DOCK3: variants seen among roughly 807,000 people sequenced by gnomAD.
The protein encoded by DOCK3 is dedicator of cytokinesis 3, also known as dedicator of cytokinesis protein 3.
In DOCK3, 60 loss-of-function variants were observed where a neutral mutation model predicts 265.6. That is an observed-to-expected ratio of 0.23 (90% CI 0.18 to 0.28). DOCK3 has a LOEUF of 0.28. Among genes scored for constraint, DOCK3 ranks in the 10% least tolerant of loss-of-function variants. DOCK3 has a pLI of 1.00. For missense variants in DOCK3, 1,981 were observed against 2,594.3 expected (o/e 0.76, Z 5.14); for synonymous variants, 881 against 938.0 (o/e 0.94, Z 1.11).
chr3:51,296,905 G>A (rs1310963552), intron 27 of DOCK3, among the ~76,000 whole-genome samples: 1 of 151,810 alleles, frequency 6.6e-6, no homozygotes, highest in East Asian at 1.9e-4. Flanking sequence ...GATCACCTGA[G>A]GTCAGGAGTT....
intron 5 of DOCK3, among the ~76,000 whole-genome samples, chr3:50,937,271 C>T (rs968559755): frequency 1.0e-5 from 1 of 96,626 alleles, no homozygotes; most frequent in African/African-American, 3.4e-5. Context: ...GAGCAAAACT[C>T]CATCTAAAAA....
Position 51,341,368 on chromosome 3 carries a change from T to G in DOCK3, c.3898T>G (p.Tyr1300Asp). The G allele has an allele frequency of 6.2e-7, 1 of 1,613,852 alleles. No individual in the cohort carries two copies. The highest frequency in any genetic ancestry group is 8.5e-7 in the Non-Finnish European group (1 of 1,179,810). ...GGGACTGTGCCGGAAGATCATTCAC[T>G]ACTTCAACAAAGGCAAGGTATGCAT... is the stretch of plus-strand genomic sequence containing the variant. ...KEGLCRKIIHYFNKGKSWEFG... is the reference protein window; with the variant it reads ...KEGLCRKIIHDFNKGKSWEFG... The change falls in exon 38 of 53, where the codon TAC becomes GAC. Residue 1300 changes from tyrosine (Y) to aspartate (D), a missense_variant. Tyr to Asp is a radical substitution (Grantham distance 160, BLOSUM62 -3). Coordinates refer to ENST00000266037, the MANE Select transcript of DOCK3 (RefSeq NM_004947.5).
intron 21 of DOCK3, among the ~76,000 whole-genome samples, chr3:51,241,411 T>A (rs1280648777): frequency 6.6e-6 from 1 of 152,214 alleles, no homozygotes; most frequent in Non-Finnish European, 1.5e-5. Flanking sequence ...GAGATGATCT[T>A]CTTGTGAAGT....
intron 32 of DOCK3, among the ~76,000 whole-genome samples, chr3:51,327,653 C>T (rs2109904260): frequency 6.6e-6 from 1 of 151,358 alleles, no homozygotes; most frequent in Non-Finnish European, 1.5e-5. Context: ...TAAGTAATGT[C>T]CCCCATATCC....
intron 9 of DOCK3, among the ~76,000 whole-genome samples, chr3:51,100,111 T>C (rs774194168): frequency 6.6e-6 from 1 of 152,228 alleles, no homozygotes; most frequent in Non-Finnish European, 1.5e-5. Context: ...GGATTCTGGC[T>C]ATCTTCTAAA....
intron 22 of DOCK3, among the ~76,000 whole-genome samples, chr3:51,248,444 C>G (rs1352148001): frequency 6.6e-6 from 1 of 152,250 alleles, no homozygotes; most frequent in East Asian, 1.9e-4. Flanking sequence ...ATCCACCAGC[C>G]TCGGCCTCCT....
intron 12 of DOCK3, among the ~76,000 whole-genome samples, chr3:51,205,311 A>T (rs2089124536): frequency 6.6e-6 from 1 of 152,094 alleles, no homozygotes; most frequent in Non-Finnish European, 1.5e-5. Context: ...TAACACGAGG[A>T]TGCTGCTAAA....
At chr3:51,199,607 G>A (rs1175506700) in intron 12 of DOCK3, among the ~76,000 whole-genome samples, 1 of 152,224 alleles carries the variant, frequency 6.6e-6, no homozygotes, top group Non-Finnish European at 1.5e-5. Context: ...ACCTCTGGGG[G>A]CAGGGCACAG....
chr3:50,859,210 G>GTTT (rs138539454), intron 3 of DOCK3, among the ~76,000 whole-genome samples: 54 of 69,244 alleles, frequency 7.8e-4, no homozygotes, highest in Non-Finnish European at 1.0e-3. Context: ...AACTGGTATG[G>GTTT]TTTTTTTTTT....
chr3:50,877,533 G>T (rs2047767265), intron 3 of DOCK3: 2 of 520,072 alleles, frequency 3.8e-6, no homozygotes, highest in Non-Finnish European at 7.7e-6. Flanking sequence ...ATGTGATGAA[G>T]ATACTGACTG....
At chr3:51,042,309 A>C (rs1362541156) in intron 5 of DOCK3, among the ~76,000 whole-genome samples, 1 of 152,232 alleles carries the variant, frequency 6.6e-6, no homozygotes, top group Non-Finnish European at 1.5e-5. Context: ...GATTCATGAC[A>C]TGAACAGAAC....
At chr3:51,027,481 C>T (rs187082840) in intron 5 of DOCK3, among the ~76,000 whole-genome samples, 1 of 151,982 alleles carries the variant, frequency 6.6e-6, no homozygotes, top group East Asian at 1.9e-4. Flanking sequence ...CAATTTAAGT[C>T]CAGAATTTCT....
At chr3:51,296,733 C>T (rs186474027) in intron 27 of DOCK3, among the ~76,000 whole-genome samples, 21 of 151,964 alleles carry the variant, frequency 1.4e-4, no homozygotes, top group African/African-American at 4.3e-4. Context: ...GCCTTGGCCT[C>T]CCAAAGTAAA....
At chr3:51,135,584 G>T (rs2107057217) in intron 9 of DOCK3, among the ~76,000 whole-genome samples, 1 of 152,288 alleles carries the variant, frequency 6.6e-6, no homozygotes, top group African/African-American at 2.4e-5. Context: ...TTTGGCCCAG[G>T]ATATTTCCAT....
intron 5 of DOCK3, among the ~76,000 whole-genome samples, chr3:51,026,845 A>C (rs1032453409): frequency 2.0e-5 from 3 of 151,596 alleles, no homozygotes; most frequent in Non-Finnish European, 4.4e-5. Context: ...GATTGTGCTT[A>C]TTTGGATTTT....
intron 24 of DOCK3, among the ~76,000 whole-genome samples, chr3:51,274,319 G>A (rs2080690420): frequency 1.3e-5 from 2 of 152,192 alleles, no homozygotes; most frequent in African/African-American, 4.8e-5. Context: ...ACACTCACAG[G>A]GGTGGAAGTG....
At chr3:50,750,945 T>G (rs573098451) in intron 1 of DOCK3, among the ~76,000 whole-genome samples, 1 of 152,340 alleles carries the variant, frequency 6.6e-6, no homozygotes, top group African/African-American at 2.4e-5. Context: ...GCCACAATTT[T>G]TTTTCTTTTT....
At chr3:51,371,568 A>T (rs556014025) in intron 49 of DOCK3, among the ~76,000 whole-genome samples, 1 of 152,290 alleles carries the variant, frequency 6.6e-6, no homozygotes, top group South Asian at 2.1e-4. Context: ...TAGTAGATAC[A>T]CTCTGGGCAA....
chr3:51,147,906 G>A (rs1323321546), intron 10 of DOCK3, among the ~76,000 whole-genome samples: 1 of 152,166 alleles, frequency 6.6e-6, no homozygotes, highest in South Asian at 2.1e-4. Flanking sequence ...GATCCTTGAG[G>A]AATCGCCACA....
Sources: gnomAD v4.1 joint callset for allele counts (sites outside exome capture counted in the v4.1 genomes callset) on GRCh38, gnomAD v4.1.1 for gene constraint, MANE v1.5 for transcripts, NCBI Gene and HGNC (gene_info 2026-07-23, HGNC 2026-07-21) for gene names.